The following PTCHD4 variants were observed in gnomAD, a reference collection of about 807,000 sequenced individuals.
The protein encoded by PTCHD4 is patched domain containing 4.
In PTCHD4, 33 loss-of-function variants were observed where a neutral mutation model predicts 58.1. The ratio of observed to expected loss-of-function variants is 0.57; its 90% confidence interval spans 0.43 to 0.76. PTCHD4 has a LOEUF of 0.76. Ranked by LOEUF, PTCHD4 falls within the 30% of genes least tolerant of loss-of-function variation. The pLI is 0.00. For missense variants in PTCHD4, 1,058 were observed against 1,027.1 expected (o/e 1.03, Z -0.41); for synonymous variants, 478 against 409.6 (o/e 1.17, Z -2.02).
At chr6:48,019,540 T>A (rs1376967718) in intron 3 of PTCHD4, among the ~76,000 whole-genome samples, 1 of 152,206 alleles carries the variant, frequency 6.6e-6, no homozygotes, top group Middle Eastern at 3.4e-3. Context: ...ATTGAGATCA[T>A]CCTGGCTAAC....
intron 4 of PTCHD4, among the ~76,000 whole-genome samples, chr6:47,983,975 C>G (rs910951830): frequency 6.6e-6 from 1 of 151,940 alleles, no homozygotes; most frequent in Admixed American, 6.6e-5. Context: ...CATTGTAATA[C>G]AGTATATTTA....
intron 3 of PTCHD4, among the ~76,000 whole-genome samples, chr6:48,014,997 A>G (rs1762818221): frequency 6.6e-6 from 1 of 152,168 alleles, no homozygotes; most frequent in South Asian, 2.1e-4. Flanking sequence ...CTCTCCACTA[A>G]GGCAACTGCC....
chr6:47,922,029 T>C (rs906412785), intron 4 of PTCHD4, among the ~76,000 whole-genome samples: 24 of 151,746 alleles, frequency 1.6e-4, no homozygotes, highest in African/African-American at 4.1e-4. Context: ...CCCCAGTTAC[T>C]TGGGAGGCTG....
chr6:47,958,370 A>G (rs1339902519), intron 4 of PTCHD4, among the ~76,000 whole-genome samples: 3 of 152,196 alleles, frequency 2.0e-5, no homozygotes, highest in Non-Finnish European at 4.4e-5. Flanking sequence ...CACACCTAAA[A>G]CAACCAAGAA....
chr6:47,926,680 C>A (rs1416160419), intron 4 of PTCHD4, among the ~76,000 whole-genome samples: 2 of 152,068 alleles, frequency 1.3e-5, no homozygotes, highest in African/African-American at 4.8e-5. Context: ...TAAATGCAAA[C>A]AAATAGCCTG....
intron 4 of PTCHD4, among the ~76,000 whole-genome samples, chr6:47,967,674 G>GTGAT (rs1767345213): frequency 6.6e-6 from 1 of 152,178 alleles, no homozygotes; most frequent in Admixed American, 6.5e-5. Flanking sequence ...TGCAGCACTT[G>GTGAT]TGATTGCACT....
At position 48,051,977 on chromosome 6, in the gene PTCHD4, T is replaced by C. The variant is rs1178350281; in HGVS notation, c.417+16253A>G. On this transcript the variant is annotated intron_variant, in intron 3 of 4. Transcript: ENST00000339488. ...GCTAACTTCCTATTTACCTGTCTTC[T>C]TTCCTGACTAGATTGTAGGTTTCTG... is the stretch of plus-strand genomic sequence containing the variant. 2.0e-5 allele frequency among the ~76,000 whole-genome samples: 3 copies of C among 152,018 alleles called. No individual in the cohort carries two copies. In the East Asian group the frequency reaches 5.8e-4, roughly 29 times the overall value.
intron 1 of PTCHD4, among the ~76,000 whole-genome samples, chr6:48,096,392 AC>A (rs1765470282): frequency 1.3e-5 from 2 of 152,106 alleles, no homozygotes; most frequent in Non-Finnish European, 2.9e-5. Context: ...TTGGCAGATA[AC>A]CTGAGGTCAG....
intron 3 of PTCHD4, among the ~76,000 whole-genome samples, chr6:48,022,029 G>A (rs77220967): frequency 0.16 from 24,308 of 152,036 alleles, 2,536 homozygotes; most frequent in Non-Finnish European, 0.23. Flanking sequence ...ACATTTGGGA[G>A]TGAAGTTAGT....
chr6:47,858,089 T>C lies in PTCHD4; in HGVS notation c.*20214A>G, dbSNP rs558004953. On this transcript the variant is annotated 3_prime_UTR_variant, in exon 5 of 5. Transcript: ENST00000339488. ...ATCTATGGACATTTGAATTTGAGTG[T>C]TGTCCATGTACTTCCTTGTTGTACA... Among the ~76,000 whole-genome samples the C allele has an allele frequency of 6.6e-6, 1 of 152,168 alleles. No homozygotes were observed. Among genetic ancestry groups the C allele is most frequent in the Non-Finnish European group, 1.5e-5 (1 of 67,960 alleles).
At chr6:48,107,068 A>G (rs982350284) in intron 1 of PTCHD4, among the ~76,000 whole-genome samples, 2 of 152,164 alleles carry the variant, frequency 1.3e-5, no homozygotes, top group Admixed American at 6.6e-5. Flanking sequence ...TCAAGCTACC[A>G]ATGACTTTCT....
rs1356452071 is a variant in PTCHD4, at chr6:47,864,878, T to C, written c.*13425A>G. ...TTGTGAAAATTACATTTTACATATATATCCATCTTTGTCCAGTGCTGACAT... is the reference window on the plus strand; with the variant it reads ...TTGTGAAAATTACATTTTACATATACATCCATCTTTGTCCAGTGCTGACAT... On this transcript the variant is annotated 3_prime_UTR_variant, in exon 5 of 5. Coordinates refer to ENST00000339488, the MANE Select transcript of PTCHD4 (RefSeq NM_001384253.1). Among the ~76,000 whole-genome samples the C allele has an allele frequency of 6.6e-6, 1 of 151,966 alleles. No individual in the cohort carries two copies. Among genetic ancestry groups the C allele is most frequent in the African/African-American group, 2.4e-5 (1 of 41,420 alleles).
chr6:48,033,441 C>A (rs1763520866), intron 3 of PTCHD4, among the ~76,000 whole-genome samples: 1 of 151,342 alleles, frequency 6.6e-6, no homozygotes, highest in South Asian at 2.1e-4. Flanking sequence ...CCAAGTTCAG[C>A]AACAGGAGTG....
At chr6:47,908,283 A>T (rs1764963749) in intron 4 of PTCHD4, among the ~76,000 whole-genome samples, 1 of 152,148 alleles carries the variant, frequency 6.6e-6, no homozygotes, top group Non-Finnish European at 1.5e-5. Context: ...TACTATTATT[A>T]TTGGGGTGAG....
chr6:48,050,696 T>C (rs569784565), intron 3 of PTCHD4, among the ~76,000 whole-genome samples: 4 of 152,108 alleles, frequency 2.6e-5, no homozygotes, highest in Admixed American at 1.3e-4. Context: ...CACCATTACA[T>C]GGTGGAACTG....
intron 1 of PTCHD4, among the ~76,000 whole-genome samples, chr6:48,106,917 G>A (rs9473246): frequency 0.43 from 65,414 of 151,904 alleles, 14,857 homozygotes; most frequent in African/African-American, 0.59. Context: ...CTCTTCAAGG[G>A]GAACTACAAA....
chr6:47,961,121 A>C (rs1368627638), intron 4 of PTCHD4, among the ~76,000 whole-genome samples: 1 of 152,074 alleles, frequency 6.6e-6, no homozygotes, highest in Non-Finnish European at 1.5e-5. Context: ...ATTAAAAAAA[A>C]ATTTCAGGTT....
chr6:48,032,170 G>GA lies in PTCHD4; in HGVS notation c.418-23057dup, dbSNP rs202066907. Among the ~76,000 whole-genome samples, 581 of 149,448 alleles carry GA rather than the reference G, an allele frequency of 3.9e-3. 6 individuals are homozygous for GA. The highest frequency in any genetic ancestry group is 0.038 in the South Asian group (182 of 4,728). ...AAACTAGTTAAAAGAAAGTGTGTAT[G>GA]AAAAAAAAACATTCTTCTCTGCTGT... On this transcript the variant is annotated intron_variant, in intron 3 of 4. Transcript: ENST00000339488.
intron 4 of PTCHD4, 55 bp from the exon 5 acceptor site, chr6:47,879,991 A>G: frequency 7.7e-7 from 1 of 1,292,914 alleles, no homozygotes; most frequent in Non-Finnish European, 1.0e-6. Context: ...CTATGGCTCA[A>G]GTGAATTCCT....
Sources: gnomAD v4.1 joint callset for allele counts (sites outside exome capture counted in the v4.1 genomes callset) on GRCh38, gnomAD v4.1.1 for gene constraint, MANE v1.5 for transcripts, NCBI Gene and HGNC (gene_info 2026-07-23, HGNC 2026-07-21) for gene names.